NRL: variants seen among roughly 807,000 people sequenced by gnomAD.
NRL encodes the protein neural retina-specific leucine zipper protein.
NRL carries 16 observed loss-of-function variants against 12.5 expected under a neutral mutation model. The observed-to-expected ratio is 1.28, with a 90% CI of 0.87 to 1.95. The LOEUF is 1.95. Among genes scored for constraint, NRL ranks in the 30% most tolerant of loss-of-function variants. NRL has a pLI of 0.00. For missense variants in NRL, 314 were observed against 325.8 expected, an observed-to-expected ratio of 0.96 and a Z score of 0.28; for synonymous variants, 142 against 150.9, an observed-to-expected ratio of 0.94 and a Z score of 0.43.
intron 1 of NRL, among the ~76,000 whole-genome samples, chr14:24,112,154 T>C (rs1402576237): frequency 1.4e-4 from 14 of 103,624 alleles, no homozygotes; most frequent in South Asian, 3.6e-4. Flanking sequence ...GATTTGCGTA[T>C]ATTGAACCAG....
chr14:24,103,861 T>C, intron 1 of NRL: 1 of 1,613,988 alleles, frequency 6.2e-7, no homozygotes. Context: ...GAACAGGAGG[T>C]TCGTGACATT....
At chr14:24,100,487 G>A (rs2037118571) in intron 1 of NRL, 1 of 806,396 alleles carries the variant, frequency 1.2e-6, no homozygotes. Context: ...TATCTCATGA[G>A]ATTGTTGGAG....
At chr14:24,088,974 T>G (rs2036541905) in intron 1 of NRL, among the ~76,000 whole-genome samples, 2 of 150,842 alleles carry the variant, frequency 1.3e-5, no homozygotes, top group Admixed American at 1.3e-4. Context: ...CTAATTTTTT[T>G]TTTGTATTTT....
At chr14:24,100,625 G>A (rs887345967) in intron 1 of NRL, 1 of 1,020,600 alleles carries the variant, frequency 9.8e-7, no homozygotes, top group Non-Finnish European at 1.2e-6. Flanking sequence ...CTTACAGAAG[G>A]TATTGGGCTC....
intron 1 of NRL, chr14:24,097,034 G>C: frequency 2.5e-6 from 4 of 1,613,462 alleles, no homozygotes; most frequent in South Asian, 2.2e-5. Context: ...GTGCCAACCA[G>C]AGGGCATCCA....
At position 24,114,834 on chromosome 14, in the gene NRL, C is replaced by G. The variant is rs1466092637; in HGVS notation, c.-140G>C. The stretch of plus-strand genomic sequence containing the variant: ...CGCGAGATGCGTGACGAGCGAAGCG[C>G]GTGACGGAGGAGCGGTTGGCCAACG... On this transcript the variant is annotated 5_prime_UTR_variant, in exon 1 of 3. Coordinates refer to ENST00000561028, the MANE Select transcript of NRL (RefSeq NM_001354768.3). 2.0e-6 allele frequency: 2 copies of G among 985,836 alleles called. No individual in the cohort carries two copies. Among genetic ancestry groups the G allele is most frequent in the African/African-American group, 3.5e-5 (2 of 57,252 alleles). 61.1% of individuals were successfully genotyped at this position (985,836 alleles called of 1,614,324 possible). A position where few individuals can be genotyped will look rare whatever the true frequency, so the allele number is the denominator to read the frequency against.
At chr14:24,084,569 A>C (rs2138881566) in intron 1 of NRL, 1 of 985,474 alleles carries the variant, frequency 1.0e-6, no homozygotes, top group South Asian at 4.7e-5. Context: ...AGACAGGCAC[A>C]GCTTCCCAGG....
chr14:24,098,105 A>C, intron 1 of NRL: 2 of 983,436 alleles, frequency 2.0e-6, no homozygotes, highest in Non-Finnish European at 3.0e-6. Flanking sequence ...CATAAGGCCA[A>C]CAGAAGACCT....
intron 1 of NRL, chr14:24,096,793 GTTTT>G: frequency 9.6e-7 from 1 of 1,046,372 alleles, no homozygotes; most frequent in Non-Finnish European, 1.4e-6. Context: ...ATGCAGACAT[GTTTT>G]AGCAGGCTGC....
chr14:24,111,395 C>T (rs916063760), intron 1 of NRL, among the ~76,000 whole-genome samples: 7 of 151,908 alleles, frequency 4.6e-5, no homozygotes, highest in Admixed American at 3.3e-4. Context: ...GTGTGTGTGA[C>T]GGAGTTTCGC....
At chr14:24,103,214 G>GC in intron 1 of NRL, 1 of 1,614,110 alleles carries the variant, frequency 6.2e-7, no homozygotes, top group Non-Finnish European at 8.5e-7. Flanking sequence ...TTTGTGGGCA[G>GC]CGCCATGCGC....
intron 1 of NRL, chr14:24,099,701 G>A (rs1247448071): frequency 6.2e-7 from 1 of 1,613,976 alleles, no homozygotes; most frequent in Non-Finnish European, 8.5e-7. Flanking sequence ...ATATTGCTTG[G>A]ATGAGGTTTG....
intron 1 of NRL, 121 bp downstream of exon 1, chr14:24,114,601 G>A (rs2037492835): frequency 2.3e-6 from 2 of 866,158 alleles, no homozygotes; most frequent in South Asian, 1.1e-4. Context: ...CGCCTAGTTC[G>A]GCTGTCTCTG....
chr14:24,082,958 A>G, intron 1 of NRL, 83 bp from the exon 2 acceptor site: 2 of 1,375,224 alleles, frequency 1.5e-6, no homozygotes, highest in Non-Finnish European at 2.0e-6. Context: ...CTCAAAGCCC[A>G]AGTGCCCTGG....
Position 24,114,824 on chromosome 14 carries a change from G to A in NRL, c.-130C>T, listed in dbSNP as rs557150735. On this transcript the variant is annotated 5_prime_UTR_variant, in exon 1 of 3. Coordinates refer to ENST00000561028, the MANE Select transcript of NRL (RefSeq NM_001354768.3). ...GCCAGGAAGCCGCGAGATGCGTGAC[G>A]AGCGAAGCGCGTGACGGAGGAGCGG... 23 of 985,966 alleles carry A rather than the reference G, an allele frequency of 2.3e-5. No homozygotes were observed. The South Asian group carries it at 4.2e-4, about 18-fold the overall frequency. The allele number at this position is 985,966 out of a possible 1,614,324, so 61.1% of individuals were successfully genotyped here. A position where few individuals can be genotyped will look rare whatever the true frequency, so the allele number is the denominator to read the frequency against.
At chr14:24,090,166 T>C (rs981353494) in intron 1 of NRL, among the ~76,000 whole-genome samples, 1 of 149,258 alleles carries the variant, frequency 6.7e-6, no homozygotes, top group Non-Finnish European at 1.5e-5. Context: ...GAAATAAGAG[T>C]CAGATTAGAG....
chr14:24,091,118 CCT>C lies in NRL; in HGVS notation c.-27-8245_-27-8244del, dbSNP rs1491271300. On this transcript the variant is annotated intron_variant, in intron 1 of 2. Transcript: ENST00000561028. Reference sequence around the variant, plus strand: ...CATTCTAAGGGACGAACAGAAAAGGCCTGTGTGTGTGTGTGTGTGTGTGTGTG... The same window carrying C: ...CATTCTAAGGGACGAACAGAAAAGGCGTGTGTGTGTGTGTGTGTGTGTGTG... Among the ~76,000 whole-genome samples the C allele has an allele frequency of 3.0e-3, 354 of 119,872 alleles. 3 individuals carry two copies. The highest frequency in any genetic ancestry group is 0.01 in the African/African-American group (324 of 31,836). The allele number at this position is 119,872 out of a possible 152,430, so 78.6% of individuals were successfully genotyped here. A position where few individuals can be genotyped will look rare whatever the true frequency, so the allele number is the denominator to read the frequency against.
chr14:24,109,168 C>T (rs896764883), intron 1 of NRL, among the ~76,000 whole-genome samples: 3 of 152,160 alleles, frequency 2.0e-5, no homozygotes, highest in African/African-American at 7.2e-5. Flanking sequence ...GTAGAGGTTA[C>T]CCAAATGAAA....
chr14:24,114,931 G>C lies in NRL; in HGVS notation c.-237C>G. 1.0e-6 allele frequency: 1 copy of C among 986,032 alleles called. No individual in the cohort carries two copies. The highest frequency in any genetic ancestry group is 1.1e-4 in the East Asian group (1 of 8,824). 61.1% of individuals were successfully genotyped at this position (986,032 alleles called of 1,614,324 possible). On this transcript the variant is annotated 5_prime_UTR_variant, in exon 1 of 3. Coordinates refer to ENST00000561028, the MANE Select transcript of NRL (RefSeq NM_001354768.3). ...CTGCGACCGCTCCTGGCTGGTGGGT[G>C]GTCTCGCGTGGGGCGGTTACCGCCG...
Sources: allele counts gnomAD v4.1 joint callset (sites outside exome capture counted in the v4.1 genomes callset), GRCh38; gene constraint gnomAD v4.1.1; transcripts MANE v1.5; gene names NCBI Gene and HGNC (gene_info 2026-07-23, HGNC 2026-07-21).